PHTF2: variants seen among roughly 807,000 people sequenced by gnomAD.
PHTF2 encodes protein PHTF2.
In PHTF2, 60 loss-of-function variants were observed where a neutral mutation model predicts 101.2. The ratio of observed to expected loss-of-function variants is 0.59; its 90% CI spans 0.48 to 0.73. The LOEUF (loss-of-function observed/expected upper bound fraction) is 0.73, where lower values mean the gene tolerates loss of function less well. Ranked by LOEUF, PHTF2 falls within the 30% of genes least tolerant of loss-of-function variation. PHTF2 has a pLI of 0.00. For missense variants in PHTF2, 747 were observed against 908.7 expected (o/e 0.82, Z 2.29); for synonymous variants, 311 against 307.3 (o/e 1.01, Z -0.13).
At chr7:77,860,141 A>G (rs1185990002) in intron 3 of PHTF2, among the ~76,000 whole-genome samples, 1 of 152,178 alleles carries the variant, frequency 6.6e-6, no homozygotes, top group Non-Finnish European at 1.5e-5. Context: ...TGTCTCTTAA[A>G]ATGCTGATTG....
intron 3 of PHTF2, among the ~76,000 whole-genome samples, chr7:77,891,100 G>A (rs1398076711): frequency 6.6e-6 from 1 of 150,758 alleles, no homozygotes; most frequent in Non-Finnish European, 1.5e-5. Context: ...GAAGAGACAG[G>A]GTTTTGCCAT....
intron 10 of PHTF2, among the ~76,000 whole-genome samples, chr7:77,921,930 G>T (rs374843299): frequency 1.3e-5 from 2 of 151,514 alleles, no homozygotes; most frequent in Non-Finnish European, 2.9e-5. Flanking sequence ...TACAATTGAT[G>T]GCTTTTTCAG....
chr7:77,862,066 A>C (rs1797690892), intron 3 of PHTF2, among the ~76,000 whole-genome samples: 1 of 151,776 alleles, frequency 6.6e-6, no homozygotes, highest in Non-Finnish European at 1.5e-5. Context: ...TCAAAAAAAA[A>C]AAAAAGAAGG....
intron 3 of PHTF2, among the ~76,000 whole-genome samples, chr7:77,868,032 A>G (rs1291487157): frequency 6.6e-6 from 1 of 152,232 alleles, no homozygotes; most frequent in African/African-American, 2.4e-5. Context: ...TAATGTTAAG[A>G]AACATTTCCT....
chr7:77,848,705 C>G (rs773701305), intron 2 of PHTF2, among the ~76,000 whole-genome samples: 7 of 152,082 alleles, frequency 4.6e-5, no homozygotes, highest in Admixed American at 2.6e-4. Flanking sequence ...AGCTTTTTAA[C>G]TTGGTGTAAT....
chr7:77,953,813 G>A (rs767459589), exon 19 of PHTF2: 15 of 1,612,300 alleles, frequency 9.3e-6, no homozygotes, highest in East Asian at 2.2e-5. Context: ...CAATGAATCC[G>A]CTGCTTTATA....
intron 3 of PHTF2, among the ~76,000 whole-genome samples, chr7:77,869,569 A>T (rs1798354015): frequency 6.6e-6 from 1 of 152,144 alleles, no homozygotes; most frequent in Admixed American, 6.6e-5. Flanking sequence ...TGCAAATGGC[A>T]GGACTTCCTT....
At chr7:77,862,903 G>A (rs1797759197) in intron 3 of PHTF2, among the ~76,000 whole-genome samples, 1 of 152,152 alleles carries the variant, frequency 6.6e-6, no homozygotes, top group African/African-American at 2.4e-5. Flanking sequence ...TTAACCTGCT[G>A]TATGTTTACA....
At chr7:77,871,756 A>G (rs1798538253) in intron 3 of PHTF2, among the ~76,000 whole-genome samples, 1 of 152,126 alleles carries the variant, frequency 6.6e-6, no homozygotes, top group Non-Finnish European at 1.5e-5. Flanking sequence ...CTTCAGAATG[A>G]TGGGGAGCAT....
At chr7:77,835,247 C>T (rs1212384454) in intron 1 of PHTF2, among the ~76,000 whole-genome samples, 4 of 142,882 alleles carry the variant, frequency 2.8e-5, no homozygotes, top group Non-Finnish European at 6.0e-5. Context: ...GCACTCCAGC[C>T]TGGGCAACAA....
Position 77,922,017 on chromosome 7 carries a change from CTTTTTTT to C in PHTF2, c.964-589_964-583del, listed in dbSNP as rs35763664. Among the ~76,000 whole-genome samples the C allele has an allele frequency of 1.6e-3, 154 of 95,288 alleles. 1 individual carries two copies. The highest frequency in any genetic ancestry group is 2.5e-3 in the Non-Finnish European group (128 of 50,418). 62.5% of individuals were successfully genotyped at this position (95,288 alleles called of 152,430 possible). A position where few individuals can be genotyped will look rare whatever the true frequency, so the allele number is the denominator to read the frequency against. ...TTCTGCTTTTCTCCTGTTTATATTC[CTTTTTTT>C]TTTTTTTTTTTTTTTTGAGACATGG... On this transcript the variant is annotated intron_variant, in intron 10 of 19. Transcript: ENST00000416283.
At chr7:77,862,512 C>T (rs1159997614) in intron 3 of PHTF2, among the ~76,000 whole-genome samples, 1 of 152,172 alleles carries the variant, frequency 6.6e-6, no homozygotes, top group South Asian at 2.1e-4. Context: ...TAGCGGTTGC[C>T]AGATACAGCA....
chr7:77,850,143 G>A (rs1457245643), intron 2 of PHTF2, among the ~76,000 whole-genome samples: 1 of 150,494 alleles, frequency 6.6e-6, no homozygotes, highest in Non-Finnish European at 1.5e-5. Flanking sequence ...TTGAAGCCAG[G>A]AGTTCAATGT....
At chr7:77,871,608 C>T (rs1243584991) in intron 3 of PHTF2, among the ~76,000 whole-genome samples, 1 of 152,168 alleles carries the variant, frequency 6.6e-6, no homozygotes, top group African/African-American at 2.4e-5. Flanking sequence ...TGAATCCTGG[C>T]TATTGGAGAA....
intron 11 of PHTF2, among the ~76,000 whole-genome samples, chr7:77,927,199 TACACACACAC>T (rs375873189): frequency 3.7e-4 from 40 of 108,546 alleles, no homozygotes; most frequent in African/African-American, 1.2e-3. Flanking sequence ...TATATATACA[TACACACACAC>T]ACACACACAC....
intron 9 of PHTF2, among the ~76,000 whole-genome samples, chr7:77,911,177 A>G (rs948265338): frequency 2.7e-5 from 4 of 149,312 alleles, no homozygotes; most frequent in East Asian, 1.9e-4. Flanking sequence ...TTTGTGTACT[A>G]TACAAAAATG....
intron 3 of PHTF2, among the ~76,000 whole-genome samples, chr7:77,892,016 G>A (rs1387510173): frequency 1.3e-5 from 2 of 152,244 alleles, no homozygotes; most frequent in African/African-American, 2.4e-5. Flanking sequence ...GTTGGCTCAC[G>A]CCTGTAATCC....
chr7:77,831,640 CTT>C (rs1462265888), intron 1 of PHTF2, among the ~76,000 whole-genome samples: 1 of 152,114 alleles, frequency 6.6e-6, no homozygotes, highest in Non-Finnish European at 1.5e-5. Flanking sequence ...GTTATGTGCC[CTT>C]TTGTTGCCAA....
chr7:77,920,178 A>C (rs1803311617), intron 9 of PHTF2, 101 bp from the exon 9 acceptor site: 1 of 619,460 alleles, frequency 1.6e-6, no homozygotes, highest in African/African-American at 1.9e-5. Flanking sequence ...AATTTAGAGA[A>C]ATAGCTATCT....
Sources: allele counts gnomAD v4.1 joint callset (sites outside exome capture counted in the v4.1 genomes callset), GRCh38; gene constraint gnomAD v4.1.1; transcripts MANE v1.5; gene names NCBI Gene and HGNC (gene_info 2026-07-23, HGNC 2026-07-21).